Variants in LRRC49 observed in about 807,000 individuals in gnomAD.
LRRC49 encodes leucine rich repeat containing 49, also known as leucine-rich repeat-containing protein 49.
LRRC49 carries 50 observed loss-of-function variants against 83.3 expected under a neutral mutation model. That is an observed-to-expected ratio of 0.60 (90% CI 0.48 to 0.76). The LOEUF is 0.76. Ranked by LOEUF, LRRC49 falls within the 30% of genes least tolerant of loss-of-function variation. The pLI is 0.00. For synonymous variants in LRRC49, 286 were observed against 283.3 expected (o/e 1.01, Z -0.10); for missense variants, 704 against 809.1 (o/e 0.87, Z 1.58).
chr15:70,902,876 G>A (rs951250434), intron 4 of LRRC49, among the ~76,000 whole-genome samples: 5 of 152,308 alleles, frequency 3.3e-5, no homozygotes, highest in African/African-American at 9.6e-5. Context: ...AGGGCAGTGG[G>A]TCTCTAGTTA....
chr15:70,909,879 A>ACACACACACAC (rs765588937), intron 5 of LRRC49, among the ~76,000 whole-genome samples: 2,553 of 76,820 alleles, frequency 0.033, 41 homozygotes, highest in Middle Eastern at 0.063. Context: ...CACACACACA[A>ACACACACACAC]AACAAACAAA....
At chr15:71,031,762 C>T (rs2039359731) in intron 14 of LRRC49, among the ~76,000 whole-genome samples, 2 of 152,082 alleles carry the variant, frequency 1.3e-5, no homozygotes, top group Non-Finnish European at 1.5e-5. Context: ...TTGCCATGCC[C>T]AGCCCAGACC....
chr15:70,929,249 C>T (rs766401778), intron 7 of LRRC49, among the ~76,000 whole-genome samples: 1 of 152,048 alleles, frequency 6.6e-6, no homozygotes, highest in Non-Finnish European at 1.5e-5. Flanking sequence ...AGTTCCAGAG[C>T]ACCACAATAA....
At chr15:71,044,886 CTTTT>C (rs71152326) in intron 15 of LRRC49, among the ~76,000 whole-genome samples, 1 of 74,458 alleles carries the variant, frequency 1.3e-5, no homozygotes, top group Non-Finnish European at 2.5e-5. Flanking sequence ...CAGAAACAAT[CTTTT>C]TTTTTTTTTT....
intron 8 of LRRC49, among the ~76,000 whole-genome samples, chr15:70,953,546 T>G (rs766470583): frequency 3.9e-5 from 6 of 152,202 alleles, no homozygotes; most frequent in Non-Finnish European, 7.3e-5. Flanking sequence ...CTAGATGCTT[T>G]TAAGATTTTT....
At chr15:71,008,111 G>A (rs1255725544) in intron 11 of LRRC49, among the ~76,000 whole-genome samples, 1 of 151,720 alleles carries the variant, frequency 6.6e-6, no homozygotes, top group Non-Finnish European at 1.5e-5. Context: ...AAACTAAAGG[G>A]AATATTAGTT....
chr15:70,988,905 T>A (rs1452165550), intron 11 of LRRC49, among the ~76,000 whole-genome samples: 1 of 152,342 alleles, frequency 6.6e-6, no homozygotes, highest in Non-Finnish European at 1.5e-5. Context: ...AAGCTTAGTT[T>A]GGCTGTATAT....
In LRRC49 at chr15:70,963,933, GT is replaced by G; in HGVS notation, c.921+2del. The G allele has an allele frequency of 6.2e-7, 1 of 1,612,692 alleles. No homozygotes were observed. On this transcript the variant is annotated splice_donor_variant, in intron 9 of 15. Coordinates refer to ENST00000260382, the MANE Select transcript of LRRC49 (RefSeq NM_017691.5). LOFTEE classifies it high-confidence loss of function. ...CCAGCTAGATATGAAGAGAATCACG[GT>G]GAGAACCCTTCCAAAGTGTTCACCA...
chr15:70,903,891 T>C (rs1375577846), intron 4 of LRRC49, among the ~76,000 whole-genome samples: 1 of 152,208 alleles, frequency 6.6e-6, no homozygotes, highest in African/African-American at 2.4e-5. Flanking sequence ...TTTTAAGGTT[T>C]CATCCTACCC....
At chr15:70,920,900 T>G (rs1205411281) in intron 7 of LRRC49, among the ~76,000 whole-genome samples, 1 of 152,182 alleles carries the variant, frequency 6.6e-6, no homozygotes, top group Non-Finnish European at 1.5e-5. Flanking sequence ...AAGCATCTCT[T>G]TTTTAAAAGA....
chr15:71,037,417 A>T, intron 15 of LRRC49, 85 bp downstream of exon 15: 1 of 1,129,716 alleles, frequency 8.9e-7, no homozygotes, highest in South Asian at 1.7e-5. Context: ...TTTTACCCTT[A>T]GTTAAGATAA....
chr15:71,020,996 C>A (rs2038976972), intron 14 of LRRC49, among the ~76,000 whole-genome samples: 1 of 152,138 alleles, frequency 6.6e-6, no homozygotes, highest in South Asian at 2.1e-4. Flanking sequence ...AGAAGAATTG[C>A]CTTGGGCTAC....
chr15:70,967,092 A>T (rs748980405), intron 9 of LRRC49, among the ~76,000 whole-genome samples: 1 of 152,156 alleles, frequency 6.6e-6, no homozygotes, highest in African/African-American at 2.4e-5. Flanking sequence ...AAGAAGGAGG[A>T]TGTATTTGTG....
intron 12 of LRRC49, 66 bp from the exon 13 acceptor site, chr15:71,009,741 T>G: frequency 9.2e-7 from 1 of 1,092,774 alleles, no homozygotes; most frequent in South Asian, 1.7e-5. Flanking sequence ...AGTGAAGCTT[T>G]AATGTTAATA....
intron 15 of LRRC49, among the ~76,000 whole-genome samples, chr15:71,046,186 T>C (rs1046551586): frequency 2.6e-5 from 4 of 152,212 alleles, no homozygotes; most frequent in African/African-American, 9.6e-5. Flanking sequence ...TTTGGTAGAA[T>C]GATTTATTTT....
At chr15:70,900,195 T>A in intron 3 of LRRC49, 1 of 223,388 alleles carries the variant, frequency 4.5e-6, no homozygotes, top group Non-Finnish European at 9.0e-6. Context: ...TTTATTAATT[T>A]CAGTCTGCTA....
intron 1 of LRRC49, among the ~76,000 whole-genome samples, chr15:70,870,955 T>TG (rs201690228): frequency 0.013 from 2,037 of 151,608 alleles, 54 homozygotes; most frequent in African/African-American, 0.046. Flanking sequence ...GTTTTTTTTT[T>TG]TTTTTTTTTT....
intron 2 of LRRC49, among the ~76,000 whole-genome samples, chr15:70,879,688 C>T (rs1432718435): frequency 3.3e-5 from 5 of 152,114 alleles, no homozygotes; most frequent in Admixed American, 6.5e-5. Context: ...ATGACTTGCC[C>T]CATCACTTTT....
intron 3 of LRRC49, among the ~76,000 whole-genome samples, chr15:70,897,375 T>A (rs1417233553): frequency 6.6e-6 from 1 of 152,182 alleles, no homozygotes; most frequent in African/African-American, 2.4e-5. Flanking sequence ...GTTTTTCATT[T>A]AAAAAATTTA....
Sources: gnomAD v4.1 joint callset for allele counts (sites outside exome capture counted in the v4.1 genomes callset) on GRCh38, gnomAD v4.1.1 for gene constraint, MANE v1.5 for transcripts, NCBI Gene and HGNC (gene_info 2026-07-23, HGNC 2026-07-21) for gene names.